The following PRPS2 variants were observed in gnomAD, a reference collection of about 807,000 sequenced individuals.
PRPS2 encodes ribose-phosphate pyrophosphokinase 2.
For missense variants in PRPS2, 104 were observed against 271.5 expected, an observed-to-expected ratio of 0.38 and a Z score of 4.34; for synonymous variants, 111 against 115.3, an observed-to-expected ratio of 0.96 and a Z score of 0.24.
At position 12,799,363 on chromosome X, in the gene PRPS2, A is replaced by G; in HGVS notation, c.279A>G (p.Pro93=). 8.3e-7 allele frequency: 1 copy of G among 1,211,468 alleles called. No homozygotes were observed. Among genetic ancestry groups the G allele is most frequent in the African/African-American group, 1.7e-5 (1 of 57,673 alleles). ...TAACTGCCGTGATCCCGTGTTTCCC[A>G]TACGCCCGACAAGATAAAAAGGACA... ...SRVTAVIPCF[P]YARQDKKDKS... Residue 93 remains proline (P), a synonymous_variant, in exon 2 of 7, where the codon CCA becomes CCG. Coordinates refer to ENST00000380668, the MANE Select transcript of PRPS2 (RefSeq NM_002765.5).
At chrX:12,792,265 C>T (rs1333676161) in intron 1 of PRPS2, among the ~76,000 whole-genome samples, 1 of 112,417 alleles carries the variant, frequency 8.9e-6, no homozygotes, top group African/African-American at 3.2e-5. Flanking sequence ...CAGACCACTG[C>T]GTTATCCAGA....
intron 2 of PRPS2, among the ~76,000 whole-genome samples, chrX:12,808,766 A>C (rs1182395807): frequency 3.6e-5 from 4 of 111,857 alleles, no homozygotes; most frequent in Non-Finnish European, 7.5e-5. Flanking sequence ...CAGTGATCTC[A>C]CATGTGCCAC....
At chrX:12,809,814 G>C (rs1435900410) in intron 3 of PRPS2, among the ~76,000 whole-genome samples, 1 of 112,278 alleles carries the variant, frequency 8.9e-6, no homozygotes, top group Non-Finnish European at 1.9e-5. Context: ...TATGTCCCAA[G>C]AGACAGATTG....
chrX:12,796,827 A>G (rs2042546070), intron 1 of PRPS2, among the ~76,000 whole-genome samples: 2 of 102,021 alleles, frequency 2.0e-5, no homozygotes. Context: ...CTTATCAGAA[A>G]TGCCTGGGAC....
chrX:12,809,044 A>G (rs1434878434), intron 2 of PRPS2, among the ~76,000 whole-genome samples, 190 bp from the exon 3 acceptor site: 3 of 112,527 alleles, frequency 2.7e-5, no homozygotes, highest in Non-Finnish European at 5.6e-5. Flanking sequence ...TTGCAGTAGT[A>G]TATGTAAATA....
At chrX:12,819,459 G>A (rs371408494) in intron 4 of PRPS2, 48 bp from the exon 5 acceptor site, 243 of 1,156,709 alleles carry the variant, frequency 2.1e-4, no homozygotes, top group Non-Finnish European at 2.5e-4. Context: ...CTTTAAAGGC[G>A]AGATCTCTAG....
At chrX:12,810,249 T>C (rs2042616940) in intron 4 of PRPS2, 103 bp downstream of exon 4, 8 of 1,072,022 alleles carry the variant, frequency 7.5e-6, no homozygotes, top group Middle Eastern at 2.8e-4. Context: ...CTTAAAGCTT[T>C]ATTTTGCTAA....
chrX:12,792,196 A>C (rs1395293196), intron 1 of PRPS2, among the ~76,000 whole-genome samples: 1 of 112,445 alleles, frequency 8.9e-6, no homozygotes, highest in African/African-American at 3.2e-5. Context: ...GTTTGATCCA[A>C]CGGGCGGAGG....
At chrX:12,812,047 G>C (rs1167535698) in intron 4 of PRPS2, among the ~76,000 whole-genome samples, 1 of 112,221 alleles carries the variant, frequency 8.9e-6, no homozygotes, top group Non-Finnish European at 1.9e-5. Flanking sequence ...GCCTATTACT[G>C]TACGGTGTGT....
intron 4 of PRPS2, among the ~76,000 whole-genome samples, chrX:12,812,095 T>TG (rs2042626908): frequency 2.7e-5 from 3 of 112,095 alleles, no homozygotes; most frequent in Non-Finnish European, 3.8e-5. Context: ...GAATCAAGGT[T>TG]GAATGACGCT....
At chrX:12,808,600 A>T (rs1219572127) in intron 2 of PRPS2, among the ~76,000 whole-genome samples, 4 of 112,547 alleles carry the variant, frequency 3.6e-5, no homozygotes, top group Middle Eastern at 4.6e-3. Flanking sequence ...AACTATTATC[A>T]ATCCCCTTAC....
Position 12,810,120 on chromosome X carries a change from T to C in PRPS2, c.504T>C (p.Val168=). ...NIAEWKNCII[V]SPDAGGAKRV... is the part of the protein sequence containing the mutation. ...CCGAGTGGAAGAACTGTATCATTGT[T>C]TCACCTGACGCAGGGGGAGCCAAAA... The change falls in exon 4 of 7, where the codon GTT becomes GTC. Residue 168 remains valine, a synonymous_variant. Transcript: ENST00000380668. The C allele has an allele frequency of 8.2e-7, 1 of 1,212,188 alleles. No homozygotes were observed. Among genetic ancestry groups the C allele is most frequent in the Admixed American group, 2.2e-5 (1 of 46,077 alleles).
At chrX:12,812,369 G>T (rs2042628239) in intron 4 of PRPS2, among the ~76,000 whole-genome samples, 1 of 112,275 alleles carries the variant, frequency 8.9e-6, no homozygotes, top group South Asian at 3.7e-4. Flanking sequence ...ACTCACACTT[G>T]TAACCCCAGC....
intron 6 of PRPS2, among the ~76,000 whole-genome samples, chrX:12,821,438 CAG>C (rs2042675265): frequency 2.3e-5 from 2 of 86,877 alleles, no homozygotes; most frequent in African/African-American, 9.4e-5. Flanking sequence ...TGGTGCCTAT[CAG>C]GGTCTGGGGG....
chrX:12,810,862 A>AAG (rs1555903270), intron 4 of PRPS2, among the ~76,000 whole-genome samples: 62 of 109,992 alleles, frequency 5.6e-4, no homozygotes, highest in Non-Finnish European at 6.8e-4. Flanking sequence ...AAAAAAAAAA[A>AAG]AAGAAGAAGA....
chrX:12,814,384 GT>G (rs1450631361), intron 4 of PRPS2, among the ~76,000 whole-genome samples: 1 of 111,789 alleles, frequency 8.9e-6, no homozygotes, highest in African/African-American at 3.3e-5. Context: ...TTTTCCAAGT[GT>G]TTCTGCTACA....
At chrX:12,821,463 T>G (rs1269590177) in intron 6 of PRPS2, among the ~76,000 whole-genome samples, 5 of 107,061 alleles carry the variant, frequency 4.7e-5, no homozygotes, top group African/African-American at 1.7e-4. Flanking sequence ...GGGGGGGCAG[T>G]GGGGCGTTAT....
At chrX:12,818,510 G>A (rs1489308559) in intron 4 of PRPS2, among the ~76,000 whole-genome samples, 1 of 110,563 alleles carries the variant, frequency 9.0e-6, no homozygotes, top group African/African-American at 3.3e-5. Flanking sequence ...TCCTTCATCA[G>A]AGCACGCGAG....
intron 4 of PRPS2, among the ~76,000 whole-genome samples, chrX:12,812,033 C>T (rs1386429121): frequency 8.9e-6 from 1 of 112,163 alleles, no homozygotes; most frequent in East Asian, 2.8e-4. Flanking sequence ...CGCTGTGTCA[C>T]GTAGCCTATT....
Sources: allele counts gnomAD v4.1 joint callset (sites outside exome capture counted in the v4.1 genomes callset), GRCh38; gene constraint gnomAD v4.1.1; transcripts MANE v1.5; gene names NCBI Gene and HGNC (gene_info 2026-07-23, HGNC 2026-07-21).